MLIP: variants seen among roughly 807,000 people sequenced by gnomAD.
The protein encoded by MLIP is muscular LMNA-interacting protein.
In MLIP, 79 loss-of-function variants were observed where a neutral mutation model predicts 84.8. The ratio of observed to expected loss-of-function variants is 0.93; its 90% CI spans 0.78 to 1.12. The LOEUF is 1.12. Among genes scored for constraint, MLIP ranks in the 50% most tolerant of loss-of-function variants. The pLI, the probability that MLIP is intolerant of heterozygous loss-of-function variation, is 0.00. For synonymous variants in MLIP, 504 were observed against 463.0 expected (o/e 1.09, Z -1.14); for missense variants, 1,257 against 1,160.6 (o/e 1.08, Z -1.21).
intron 3 of MLIP, among the ~76,000 whole-genome samples, chr6:54,135,113 A>T (rs1771691561): frequency 6.6e-6 from 1 of 152,150 alleles, no homozygotes. Context: ...TGACAGAAAC[A>T]TTCAGCTGCC....
Position 54,207,409 on chromosome 6 carries a change from ACC to A in MLIP, c.2718+5186_2718+5187del, listed in dbSNP as rs34566577. ...TACACAGAATTTCCATCACCTCTGC[ACC>A]CCCCCCCCCTTTTTTGACATTTCTT... On this transcript the variant is annotated intron_variant, in intron 11 of 13. Transcript: ENST00000502396. 7.9e-4 allele frequency among the ~76,000 whole-genome samples: 78 copies of A among 98,624 alleles called. 1 individual carries two copies. The highest frequency in any genetic ancestry group is 6.3e-3 in the Middle Eastern group (1 of 158). The allele number at this position is 98,624 out of a possible 152,430, so 64.7% of individuals were successfully genotyped here.
intron 10 of MLIP, among the ~76,000 whole-genome samples, chr6:54,193,702 C>A (rs1298600987): frequency 6.6e-6 from 1 of 152,006 alleles, no homozygotes; most frequent in African/African-American, 2.4e-5. Flanking sequence ...TAAGAGGAGA[C>A]TGGGTAGGGT....
Position 54,124,838 on chromosome 6 carries a change from G to A in MLIP, c.618G>A (p.Gly206=). 6.2e-7 allele frequency: 1 copy of A among 1,601,426 alleles called. No individual in the cohort carries two copies. Residue 206 remains glycine (G), a synonymous_variant, in exon 3 of 14, where the codon GGG becomes GGA. Transcript: ENST00000502396. ...CATCACATCCTGAAATGCTTCATGG[G>A]ATGGCCCCTCAGCAAAAGCATGGGC... ...KTSSHPEMLH[G]MAPQQKHGQL...
At chr6:54,153,617 G>A (rs1000551319) in intron 5 of MLIP, among the ~76,000 whole-genome samples, 4 of 152,068 alleles carry the variant, frequency 2.6e-5, no homozygotes, top group Admixed American at 1.3e-4. Flanking sequence ...GGAGGCCGAG[G>A]AGGGTGGATC....
At chr6:54,028,629 T>C (rs979977090) in intron 1 of MLIP, among the ~76,000 whole-genome samples, 1 of 152,222 alleles carries the variant, frequency 6.6e-6, no homozygotes, top group African/African-American at 2.4e-5. Flanking sequence ...AATTCTGGCA[T>C]GTTTTGTTGT....
intron 12 of MLIP, among the ~76,000 whole-genome samples, chr6:54,235,110 T>A (rs1781276246): frequency 6.6e-6 from 1 of 152,216 alleles, no homozygotes; most frequent in African/African-American, 2.4e-5. Context: ...GTCCCCAAAC[T>A]CAAAACTTGA....
At chr6:54,160,026 A>G (rs1297893575) in intron 5 of MLIP, among the ~76,000 whole-genome samples, 2 of 152,086 alleles carry the variant, frequency 1.3e-5, no homozygotes, top group Non-Finnish European at 2.9e-5. Flanking sequence ...AATGCCACAC[A>G]TCTGCAACCA....
At chr6:54,044,563 G>A (rs1478936018) in intron 1 of MLIP, among the ~76,000 whole-genome samples, 1 of 151,966 alleles carries the variant, frequency 6.6e-6, no homozygotes, top group Non-Finnish European at 1.5e-5. Context: ...CAAACACATA[G>A]GTAGGTCAAA....
intron 1 of MLIP, among the ~76,000 whole-genome samples, chr6:54,064,010 G>T (rs1288709258): frequency 3.5e-5 from 2 of 57,944 alleles, no homozygotes; most frequent in African/African-American, 6.3e-5. Flanking sequence ...GATTTTTGTT[G>T]CTTGAGGTTA....
chr6:54,249,546 A>G (rs1157219282), intron 12 of MLIP, among the ~76,000 whole-genome samples: 1 of 151,960 alleles, frequency 6.6e-6, no homozygotes, highest in Non-Finnish European at 1.5e-5. Flanking sequence ...ACAGACCTCA[A>G]TAAAGAAAAA....
At chr6:54,257,475 A>G (rs1225413508) in intron 13 of MLIP, 114 bp downstream of exon 13, 1 of 715,314 alleles carries the variant, frequency 1.4e-6, no homozygotes, top group Non-Finnish European at 2.3e-6. Context: ...CAAAAGAAAG[A>G]ATTATTACTA....
intron 1 of MLIP, among the ~76,000 whole-genome samples, chr6:54,092,713 GTTTA>G (rs544927681): frequency 2.6e-4 from 40 of 151,888 alleles, no homozygotes; most frequent in African/African-American, 8.7e-4. Context: ...TATTAAAATG[GTTTA>G]TTTAAATTAA....
At chr6:54,123,126 G>T (rs944124428) in intron 2 of MLIP, among the ~76,000 whole-genome samples, 1 of 148,740 alleles carries the variant, frequency 6.7e-6, no homozygotes, top group African/African-American at 2.5e-5. Flanking sequence ...TAGTAGAGAC[G>T]GGGTTTAACC....
At chr6:54,226,243 C>T (rs761020663) in intron 11 of MLIP, among the ~76,000 whole-genome samples, 2 of 152,172 alleles carry the variant, frequency 1.3e-5, no homozygotes, top group African/African-American at 2.4e-5. Context: ...TGGCCTGGGG[C>T]CTCCTGGCAT....
At chr6:54,027,416 CACACAT>C (rs1312513978) in intron 1 of MLIP, among the ~76,000 whole-genome samples, 8 of 119,080 alleles carry the variant, frequency 6.7e-5, no homozygotes, top group African/African-American at 2.0e-4. Context: ...CACACACACA[CACACAT>C]ATATACATAA....
chr6:54,222,507 T>G (rs555360967), intron 11 of MLIP, among the ~76,000 whole-genome samples: 11 of 152,232 alleles, frequency 7.2e-5, no homozygotes, highest in Middle Eastern at 3.4e-3. Context: ...CTTAACATAA[T>G]GTCCTCCAGG....
chr6:54,065,027 A>G (rs1330267149), intron 1 of MLIP, among the ~76,000 whole-genome samples: 2 of 100,276 alleles, frequency 2.0e-5, no homozygotes, highest in African/African-American at 5.1e-5. Flanking sequence ...AGTTTTCAGT[A>G]TAAGACTCAT....
intron 12 of MLIP, among the ~76,000 whole-genome samples, chr6:54,246,243 AG>A: frequency 6.6e-6 from 1 of 152,154 alleles, no homozygotes; most frequent in Non-Finnish European, 1.5e-5. Context: ...ATTCAAATGA[AG>A]TGTAAGACCA....
intron 10 of MLIP, among the ~76,000 whole-genome samples, chr6:54,192,080 C>A (rs1278417003): frequency 6.6e-6 from 1 of 151,414 alleles, no homozygotes; most frequent in Non-Finnish European, 1.5e-5. Context: ...TTACTTTTTG[C>A]CCAATAAAAT....
Sources: allele counts gnomAD v4.1 joint callset (sites outside exome capture counted in the v4.1 genomes callset), GRCh38; gene constraint gnomAD v4.1.1; transcripts MANE v1.5; gene names NCBI Gene and HGNC (gene_info 2026-07-23, HGNC 2026-07-21).